The following CNTN1 variants were observed in gnomAD, a reference collection of about 807,000 sequenced individuals.
The protein encoded by CNTN1 is contactin 1.
A neutral mutation model predicts 126.4 loss-of-function variants in CNTN1; 38 were observed. The observed-to-expected ratio is 0.30, with a 90% CI of 0.23 to 0.39. The LOEUF is 0.39. Among genes scored for constraint, CNTN1 ranks in the 10% least tolerant of loss-of-function variants. CNTN1 has a pLI of 1.00. For synonymous variants in CNTN1, 413 were observed against 422.6 expected (o/e 0.98, Z 0.28); for missense variants, 1,009 against 1,248.4 (o/e 0.81, Z 2.89).
At chr12:41,024,293 T>C (rs1015221046) in intron 20 of CNTN1, among the ~76,000 whole-genome samples, 1 of 152,192 alleles carries the variant, frequency 6.6e-6, no homozygotes, top group African/African-American at 2.4e-5. Flanking sequence ...ATCTAAAATA[T>C]GTAAAATATC....
At chr12:40,765,548 ATAAT>A (rs1242278250) in intron 1 of CNTN1, among the ~76,000 whole-genome samples, 1 of 152,212 alleles carries the variant, frequency 6.6e-6, no homozygotes, top group Non-Finnish European at 1.5e-5. Context: ...TGAGAGGAAA[ATAAT>A]AAGTTTGGTT....
intron 6 of CNTN1, among the ~76,000 whole-genome samples, chr12:40,926,066 C>T (rs1236915641): frequency 6.6e-6 from 1 of 151,284 alleles, no homozygotes; most frequent in Admixed American, 6.6e-5. Flanking sequence ...CTCAGTGGAG[C>T]AAAACAGGAA....
At chr12:40,997,776 T>C (rs963172563) in intron 17 of CNTN1, among the ~76,000 whole-genome samples, 2 of 152,198 alleles carry the variant, frequency 1.3e-5, no homozygotes, top group Non-Finnish European at 2.9e-5. Context: ...AGATGAAGTA[T>C]ATGAAAATAA....
chr12:40,795,058 A>G (rs550252872), intron 1 of CNTN1, among the ~76,000 whole-genome samples: 2 of 152,224 alleles, frequency 1.3e-5, no homozygotes, highest in South Asian at 2.1e-4. Flanking sequence ...TTCCCTCCAC[A>G]ATGTGGGAAG....
At chr12:41,008,085 CT>C (rs1272824629) in intron 17 of CNTN1, among the ~76,000 whole-genome samples, 1 of 152,158 alleles carries the variant, frequency 6.6e-6, no homozygotes, top group Non-Finnish European at 1.5e-5. Flanking sequence ...TTTCTGGCAA[CT>C]TCCTCCTATA....
At chr12:40,924,941 T>A (rs905597381) in intron 6 of CNTN1, among the ~76,000 whole-genome samples, 44 of 145,334 alleles carry the variant, frequency 3.0e-4, no homozygotes, top group African/African-American at 1.1e-3. Context: ...AGGGAAATTC[T>A]GTTAGATTTT....
At position 40,784,873 on chromosome 12, in the gene CNTN1, G is replaced by A. The variant is rs1939947563; in HGVS notation, c.-77+92281G>A. On this transcript the variant is annotated intron_variant, in intron 1 of 23. Transcript: ENST00000551295. Reference sequence around the variant, plus strand: ...AGGTAGCTTTCACTCAGGTTTGGGGGCAGAATTCACCTGCGTGGTCCAACA... The same window carrying A: ...AGGTAGCTTTCACTCAGGTTTGGGGACAGAATTCACCTGCGTGGTCCAACA... 2.0e-5 allele frequency among the ~76,000 whole-genome samples: 3 copies of A among 152,076 alleles called. No homozygotes were observed. The East Asian group carries it at 5.8e-4, about 29-fold the overall frequency.
chr12:40,890,608 AG>A (rs1944208365), intron 1 of CNTN1, among the ~76,000 whole-genome samples: 1 of 152,154 alleles, frequency 6.6e-6, no homozygotes, highest in African/African-American at 2.4e-5. Context: ...TACAGTATAT[AG>A]TCTTTTCATA....
intron 1 of CNTN1, among the ~76,000 whole-genome samples, chr12:40,887,114 G>C (rs1276783518): frequency 6.6e-6 from 1 of 151,962 alleles, no homozygotes; most frequent in Non-Finnish European, 1.5e-5. Flanking sequence ...GAAAGTCATT[G>C]GTAGCTTGAT....
At chr12:41,062,420 C>T (rs776805255) in intron 23 of CNTN1, among the ~76,000 whole-genome samples, 3 of 152,058 alleles carry the variant, frequency 2.0e-5, no homozygotes, top group African/African-American at 7.2e-5. Context: ...AACTTTTCTA[C>T]CTTACAGATT....
intron 16 of CNTN1, among the ~76,000 whole-genome samples, chr12:40,985,059 T>G (rs278918): frequency 0.52 from 79,192 of 151,822 alleles, 20,673 homozygotes; most frequent in Middle Eastern, 0.59. Flanking sequence ...CTTTAATTTT[T>G]TTTTGTAAGA....
At chr12:40,960,554 C>T (rs1159508272) in intron 15 of CNTN1, among the ~76,000 whole-genome samples, 1 of 152,050 alleles carries the variant, frequency 6.6e-6, no homozygotes, top group Non-Finnish European at 1.5e-5. Flanking sequence ...TCTTCTACTC[C>T]ATTTGAATAT....
At chr12:40,711,541 C>T (rs1941913649) in intron 1 of CNTN1, among the ~76,000 whole-genome samples, 1 of 152,098 alleles carries the variant, frequency 6.6e-6, no homozygotes. Context: ...GGCTAACTCT[C>T]TTTATCTTAA....
At chr12:40,943,936 C>G in intron 13 of CNTN1, 59 bp from the exon 14 acceptor site, 2 of 1,477,858 alleles carry the variant, frequency 1.4e-6, no homozygotes, top group Admixed American at 1.7e-5. Flanking sequence ...TTTTAATATA[C>G]CAGATAATAT....
At position 40,933,685 on chromosome 12, in the gene CNTN1, T is replaced by C. The variant is rs779849920; in HGVS notation, c.804-12T>C. The C allele has an allele frequency of 1.7e-5, 28 of 1,611,778 alleles. 1 individual carries two copies. The East Asian group carries it at 6.0e-4, about 35-fold the overall frequency. ...TGTGTGAAACTTTAACCCTTGTATC[T>C]TCTATTTAAAGTCCTGTTCCGGATA... On this transcript the variant is annotated splice_polypyrimidine_tract_variant and intron_variant, in intron 8 of 23. Transcript: ENST00000551295.
intron 23 of CNTN1, among the ~76,000 whole-genome samples, chr12:41,067,171 TGAAGAC>T (rs1251207163): frequency 6.6e-6 from 1 of 152,176 alleles, no homozygotes; most frequent in Non-Finnish European, 1.5e-5. Flanking sequence ...GAAGTAAAGA[TGAAGAC>T]CAAAATTACA....
intron 17 of CNTN1, among the ~76,000 whole-genome samples, chr12:41,011,208 A>G (rs554199623): frequency 3.3e-5 from 5 of 152,296 alleles, no homozygotes; most frequent in Non-Finnish European, 7.4e-5. Flanking sequence ...AATAACGGGG[A>G]TTCTCAGATG....
At chr12:40,801,933 G>A (rs1030079309) in intron 1 of CNTN1, among the ~76,000 whole-genome samples, 4 of 151,440 alleles carry the variant, frequency 2.6e-5, no homozygotes, top group African/African-American at 7.3e-5. Context: ...ATGAGGGCTC[G>A]AACTTGGTTA....
At chr12:40,785,081 T>G (rs959497147) in intron 1 of CNTN1, among the ~76,000 whole-genome samples, 24 of 152,150 alleles carry the variant, frequency 1.6e-4, no homozygotes, top group South Asian at 2.1e-4. Flanking sequence ...AACAAAAGCA[T>G]GACAGGAGAT....
Sources: gnomAD v4.1 joint callset for allele counts (sites outside exome capture counted in the v4.1 genomes callset) on GRCh38, gnomAD v4.1.1 for gene constraint, MANE v1.5 for transcripts, NCBI Gene and HGNC (gene_info 2026-07-23, HGNC 2026-07-21) for gene names.